The following ITPR1 variants were observed in gnomAD, a reference collection of about 807,000 sequenced individuals.
ITPR1 encodes inositol 1,4,5-trisphosphate receptor type 1.
A neutral mutation model predicts 318.4 loss-of-function variants in ITPR1; 96 were observed. The ratio of observed to expected loss-of-function variants is 0.30; its 90% confidence interval spans 0.26 to 0.36. ITPR1 has a LOEUF of 0.36. Ranked by LOEUF, ITPR1 falls within the 10% of genes least tolerant of loss-of-function variation. The pLI is 1.00. For missense variants in ITPR1, 2,440 were observed against 3,460.2 expected (o/e 0.71, Z 7.40); for synonymous variants, 1,312 against 1,289.9 (o/e 1.02, Z -0.37).
intron 10 of ITPR1, among the ~76,000 whole-genome samples, chr3:4,649,240 G>A (rs1255812648): frequency 1.3e-5 from 2 of 152,164 alleles, no homozygotes; most frequent in Non-Finnish European, 2.9e-5. Flanking sequence ...GTTTTTCTAT[G>A]AACAGGATAT....
chr3:4,690,978 CT>C (rs1220201025), intron 31 of ITPR1, among the ~76,000 whole-genome samples, 165 bp from the exon 32 acceptor site: 1 of 151,578 alleles, frequency 6.6e-6, no homozygotes, highest in Non-Finnish European at 1.5e-5. Context: ...AAAAAGCTTA[CT>C]AAAAAAGAAG....
At chr3:4,785,444 A>G (rs979894148) in intron 51 of ITPR1, among the ~76,000 whole-genome samples, 5 of 152,258 alleles carry the variant, frequency 3.3e-5, no homozygotes, top group Non-Finnish European at 2.9e-5. Context: ...TTTGGGCAAT[A>G]TGAAATGTTC....
intron 4 of ITPR1, among the ~76,000 whole-genome samples, chr3:4,588,933 C>G (rs1211258854): frequency 6.6e-6 from 1 of 152,188 alleles, no homozygotes; most frequent in Admixed American, 6.5e-5. Context: ...TTGCCTACTT[C>G]TCACCACCTA....
chr3:4,733,407 A>G, intron 43 of ITPR1, among the ~76,000 whole-genome samples, 187 bp downstream of exon 43: 1 of 152,158 alleles, frequency 6.6e-6, no homozygotes, highest in Admixed American at 6.5e-5. Context: ...CCTGCAAACT[A>G]GCATTTCCCT....
At chr3:4,613,733 C>T (rs2092267438) in intron 4 of ITPR1, among the ~76,000 whole-genome samples, 1 of 152,182 alleles carries the variant, frequency 6.6e-6, no homozygotes, top group Admixed American at 6.5e-5. Context: ...CCATTATCAG[C>T]AGGATCATCC....
At chr3:4,499,083 G>A (rs1376925097) in intron 2 of ITPR1, among the ~76,000 whole-genome samples, 1 of 152,184 alleles carries the variant, frequency 6.6e-6, no homozygotes, top group Non-Finnish European at 1.5e-5. Context: ...GAGCCCGGGG[G>A]TTTGAGGCTG....
At chr3:4,711,629 A>G (rs958444296) in intron 38 of ITPR1, 128 bp from the exon 39 acceptor site, 16 of 645,928 alleles carry the variant, frequency 2.5e-5, no homozygotes, top group Non-Finnish European at 3.3e-5. Context: ...GCCCTGAAGT[A>G]TCTTTAACCT....
At chr3:4,643,832 C>T (rs7652864) in intron 7 of ITPR1, among the ~76,000 whole-genome samples, 121,847 of 151,830 alleles carry the variant, frequency 0.8, 49,830 homozygotes, top group East Asian at 1. Flanking sequence ...TTAAAACTTA[C>T]TTATATAGGT....
At chr3:4,692,449 C>G (rs2094495427) in intron 32 of ITPR1, among the ~76,000 whole-genome samples, 1 of 152,124 alleles carries the variant, frequency 6.6e-6, no homozygotes, top group South Asian at 2.1e-4. Context: ...TTGTATTTGT[C>G]CTGGTTTCAC....
chr3:4,619,607 TCTGCCCTCCC>T (rs1364300536), intron 4 of ITPR1, among the ~76,000 whole-genome samples: 1 of 33,948 alleles, frequency 2.9e-5, no homozygotes, highest in African/African-American at 1.7e-4. Context: ...CCTGCTCTCC[TCTGCCCTCCC>T]CTGCTCTCCT....
rs567432793 is a variant in ITPR1 at position 4,610,541 on chromosome 3, A to G, written c.164-17222A>G. Among the ~76,000 whole-genome samples, 16 of 152,068 alleles carry G rather than the reference A, an allele frequency of 1.1e-4. No homozygotes were observed. The South Asian group carries it at 2.9e-3, about 28-fold the overall frequency. ...CTGAATGCCCTTTTGTAGATGTGGC[A>G]TATCCTCAGAGATTCTTAAGTATTG... On this transcript the variant is annotated intron_variant, in intron 4 of 61. Transcript: ENST00000649015.
chr3:4,810,425 C>A (rs1208943225), intron 55 of ITPR1, among the ~76,000 whole-genome samples: 1 of 152,216 alleles, frequency 6.6e-6, no homozygotes, highest in Non-Finnish European at 1.5e-5. Context: ...ATCCTCCATT[C>A]CTCAGGAAGC....
chr3:4,521,117 G>A (rs773147773), intron 4 of ITPR1, 23 bp downstream of exon 4: 1 of 1,559,184 alleles, frequency 6.4e-7, no homozygotes, highest in Non-Finnish European at 8.8e-7. Context: ...CTTTCCTGGA[G>A]TAGTCACCTT....
chr3:4,674,394 T>A, intron 22 of ITPR1, 51 bp downstream of exon 22: 2 of 1,477,448 alleles, frequency 1.4e-6, no homozygotes, highest in East Asian at 2.4e-5. Context: ...TCAGTGGTCA[T>A]TTTTCTATGG....
At chr3:4,628,516 C>T (rs1022256175) in intron 5 of ITPR1, among the ~76,000 whole-genome samples, 3 of 152,126 alleles carry the variant, frequency 2.0e-5, no homozygotes, top group East Asian at 3.9e-4. Flanking sequence ...CCCTGCATTC[C>T]GAGGCTAATC....
chr3:4,796,055 A>C (rs1170772353), intron 53 of ITPR1, among the ~76,000 whole-genome samples: 5 of 152,118 alleles, frequency 3.3e-5, no homozygotes, highest in Admixed American at 3.3e-4. Flanking sequence ...GAGCCCAAAA[A>C]CCACACAGGA....
chr3:4,647,435 G>C (rs149007254), intron 10 of ITPR1, among the ~76,000 whole-genome samples: 106 of 152,280 alleles, frequency 7.0e-4, no homozygotes, highest in African/African-American at 2.6e-3. Flanking sequence ...GGATTGGCTG[G>C]ATCATATGGT....
intron 4 of ITPR1, among the ~76,000 whole-genome samples, chr3:4,522,208 G>A (rs1183470831): frequency 2.0e-5 from 3 of 152,112 alleles, no homozygotes; most frequent in African/African-American, 7.2e-5. Context: ...TATCAATTAA[G>A]GTAACCTCTG....
At chr3:4,728,752 T>C (rs1156490410) in intron 42 of ITPR1, among the ~76,000 whole-genome samples, 1 of 152,322 alleles carries the variant, frequency 6.6e-6, no homozygotes, top group African/African-American at 2.4e-5. Flanking sequence ...TCTTGGAGAA[T>C]TGATGCCTGA....
Sources: gnomAD v4.1 joint callset for allele counts (sites outside exome capture counted in the v4.1 genomes callset) on GRCh38, gnomAD v4.1.1 for gene constraint, MANE v1.5 for transcripts, NCBI Gene and HGNC (gene_info 2026-07-23, HGNC 2026-07-21) for gene names.